Variants in C8orf34 observed in about 807,000 individuals in gnomAD.
C8orf34 encodes the protein chromosome 8 open reading frame 34.
C8orf34 carries 65 observed loss-of-function variants against 68.3 expected under a neutral mutation model. The observed-to-expected ratio is 0.95, with a 90% CI of 0.78 to 1.17. The LOEUF (loss-of-function observed/expected upper bound fraction) is 1.17. Among genes scored for constraint, C8orf34 ranks in the 50% most tolerant of loss-of-function variants. The pLI, the probability that C8orf34 is intolerant of heterozygous loss-of-function variation, is 0.00. For missense variants in C8orf34, 664 were observed against 655.4 expected, an observed-to-expected ratio of 1.01 and a Z score of -0.14; for synonymous variants, 244 against 241.2, an observed-to-expected ratio of 1.01 and a Z score of -0.11.
chr8:68,671,851 G>T (rs1325539683), intron 8 of C8orf34, among the ~76,000 whole-genome samples: 1 of 152,104 alleles, frequency 6.6e-6, no homozygotes, highest in Non-Finnish European at 1.5e-5. Flanking sequence ...AGGGTTTCCT[G>T]AGGTTTGCAA....
intron 9 of C8orf34, among the ~76,000 whole-genome samples, chr8:68,710,474 G>T (rs1821300643): frequency 6.6e-6 from 1 of 152,108 alleles, no homozygotes; most frequent in Non-Finnish European, 1.5e-5. Context: ...ACTATGGGCT[G>T]CCTTGGAGCT....
In C8orf34 at chr8:68,618,506, C is replaced by T. The variant is rs115129157; in HGVS notation, c.1106-21870C>T. ...CTGGAACCACAGATGCACAACACAA[C>T]GCTCTACTAATTTTTAAATTTTCTG... On this transcript the variant is annotated intron_variant, in intron 7 of 13. Transcript: ENST00000518698. Among the ~76,000 whole-genome samples, 554 of 152,144 alleles carry T rather than the reference C, an allele frequency of 3.6e-3. 6 individuals carry two copies. The highest frequency in any genetic ancestry group is 0.012 in the African/African-American group (510 of 41,512).
At chr8:68,379,844 G>GGTTTTT (rs1807957618) in intron 1 of C8orf34, among the ~76,000 whole-genome samples, 1 of 151,988 alleles carries the variant, frequency 6.6e-6, no homozygotes, top group Non-Finnish European at 1.5e-5. Context: ...CTTGTTGCAT[G>GGTTTTT]GTTTTTGTTT....
chr8:68,445,277 G>C (rs1362943400), intron 2 of C8orf34, among the ~76,000 whole-genome samples: 1 of 152,100 alleles, frequency 6.6e-6, no homozygotes, highest in Non-Finnish European at 1.5e-5. Context: ...CCAGAGAAAA[G>C]ACTTATGAGG....
At chr8:68,442,652 G>A (rs191949131) in intron 2 of C8orf34, among the ~76,000 whole-genome samples, 1 of 152,264 alleles carries the variant, frequency 6.6e-6, no homozygotes, top group Non-Finnish European at 1.5e-5. Flanking sequence ...TGTGCTGAGA[G>A]ATTGTGATAT....
chr8:68,375,654 G>C (rs1235515751), intron 1 of C8orf34, among the ~76,000 whole-genome samples: 36 of 152,190 alleles, frequency 2.4e-4, no homozygotes, highest in Admixed American at 2.4e-3. Context: ...GTATTTGTTA[G>C]AGAATGGGTC....
intron 7 of C8orf34, 38 bp downstream of exon 7, chr8:68,533,187 T>A: frequency 6.5e-7 from 1 of 1,547,134 alleles, no homozygotes; most frequent in Non-Finnish European, 8.7e-7. Flanking sequence ...TTTTCTTCTT[T>A]GACATTGTAA....
intron 1 of C8orf34, among the ~76,000 whole-genome samples, chr8:68,381,600 C>T (rs1174460071): frequency 2.0e-5 from 3 of 150,610 alleles, no homozygotes; most frequent in Non-Finnish European, 3.0e-5. Flanking sequence ...GGCGCGGTGG[C>T]GGGCGCCTGT....
At chr8:68,656,268 T>G (rs1187494764) in intron 8 of C8orf34, among the ~76,000 whole-genome samples, 1 of 152,124 alleles carries the variant, frequency 6.6e-6, no homozygotes, top group Non-Finnish European at 1.5e-5. Context: ...ACACAGAAAA[T>G]AATAATGGCA....
At chr8:68,480,284 T>C (rs1812803512) in intron 4 of C8orf34, among the ~76,000 whole-genome samples, 1 of 152,202 alleles carries the variant, frequency 6.6e-6, no homozygotes, top group Non-Finnish European at 1.5e-5. Context: ...TTCTCTTGCC[T>C]CTGCCATATA....
intron 13 of C8orf34, among the ~76,000 whole-genome samples, chr8:68,816,322 A>C (rs1824818282): frequency 6.6e-6 from 1 of 152,140 alleles, no homozygotes; most frequent in African/African-American, 2.4e-5. Flanking sequence ...CATGGACTCT[A>C]TGATGCTATT....
intron 8 of C8orf34, among the ~76,000 whole-genome samples, chr8:68,703,627 AG>A (rs1821080888): frequency 6.6e-6 from 1 of 152,252 alleles, no homozygotes; most frequent in African/African-American, 2.4e-5. Flanking sequence ...TTAGTGCCCA[AG>A]GCCCACCCTT....
At chr8:68,702,286 C>T (rs1487867020) in intron 8 of C8orf34, among the ~76,000 whole-genome samples, 2 of 152,052 alleles carry the variant, frequency 1.3e-5, no homozygotes, top group African/African-American at 4.8e-5. Flanking sequence ...TCCCCAAATA[C>T]CCTCCTAGAT....
chr8:68,782,125 T>G (rs1183926018), intron 11 of C8orf34, among the ~76,000 whole-genome samples: 1 of 152,234 alleles, frequency 6.6e-6, no homozygotes, highest in Admixed American at 6.5e-5. Context: ...AGGAATCACT[T>G]CCGCAATTTC....
At chr8:68,451,328 G>T (rs1811335643) in intron 3 of C8orf34, among the ~76,000 whole-genome samples, 1 of 152,034 alleles carries the variant, frequency 6.6e-6, no homozygotes, top group African/African-American at 2.4e-5. Context: ...GTGTTTACTG[G>T]AATAGCACTT....
chr8:68,774,285 A>C (rs2129528512), intron 10 of C8orf34, among the ~76,000 whole-genome samples: 1 of 149,450 alleles, frequency 6.7e-6, no homozygotes, highest in East Asian at 2.0e-4. Flanking sequence ...TGGGAAGTTC[A>C]CCTCTAAGAA....
chr8:68,503,888 G>A (rs1813890070), intron 5 of C8orf34, among the ~76,000 whole-genome samples: 1 of 151,724 alleles, frequency 6.6e-6, no homozygotes. Flanking sequence ...ACTGTAAAAG[G>A]GAAAATGAAT....
intron 1 of C8orf34, among the ~76,000 whole-genome samples, chr8:68,386,713 A>G (rs576627693): frequency 1.1e-3 from 171 of 152,208 alleles, no homozygotes; most frequent in African/African-American, 3.7e-3. Context: ...ACTTCTGCAG[A>G]CCTTTAGACG....
chr8:68,457,099 T>C (rs1811586021), intron 3 of C8orf34, among the ~76,000 whole-genome samples: 1 of 152,178 alleles, frequency 6.6e-6, no homozygotes, highest in South Asian at 2.1e-4. Context: ...ATATCAACTC[T>C]CAGTTGTTTT....
Sources: allele counts gnomAD v4.1 joint callset (sites outside exome capture counted in the v4.1 genomes callset), GRCh38; gene constraint gnomAD v4.1.1; transcripts MANE v1.5; gene names NCBI Gene and HGNC (gene_info 2026-07-23, HGNC 2026-07-21).